The following NFASC variants were observed in gnomAD, a reference collection of about 807,000 sequenced individuals.
NFASC encodes neurofascin homolog.
A neutral mutation model predicts 147.5 loss-of-function variants in NFASC; 43 were observed. The ratio of observed to expected loss-of-function variants is 0.29; its 90% CI spans 0.23 to 0.38. The LOEUF (loss-of-function observed/expected upper bound fraction) is 0.38. Ranked by LOEUF, NFASC falls within the 10% of genes least tolerant of loss-of-function variation. The pLI, the probability that NFASC is intolerant of heterozygous loss-of-function variation, is 1.00. For synonymous variants in NFASC, 622 were observed against 665.5 expected, an observed-to-expected ratio of 0.93 and a Z score of 1.01; for missense variants, 1,320 against 1,689.0, an observed-to-expected ratio of 0.78 and a Z score of 3.83.
intron 17 of NFASC, 105 bp from the exon 18 acceptor site, chr1:204,978,863 G>C: frequency 1.2e-6 from 1 of 840,342 alleles, no homozygotes; most frequent in African/African-American, 1.7e-5. Context: ...GTTGGATCCA[G>C]CTGGTAGCGA....
chr1:204,903,602 A>G (rs551811509), intron 1 of NFASC, among the ~76,000 whole-genome samples: 1 of 152,210 alleles, frequency 6.6e-6, no homozygotes, highest in Admixed American at 6.5e-5. Context: ...TTTTCTTCCC[A>G]GGTCCTACTT....
intron 2 of NFASC, among the ~76,000 whole-genome samples, chr1:204,935,118 G>A (rs2092715781): frequency 1.3e-5 from 2 of 152,166 alleles, no homozygotes; most frequent in Admixed American, 1.3e-4. Context: ...CAGCCTTGGT[G>A]GGAAGGGATG....
At chr1:204,961,985 C>T (rs533233007) in intron 8 of NFASC, 19 of 714,098 alleles carry the variant, frequency 2.7e-5, no homozygotes, top group Non-Finnish European at 4.3e-5. Flanking sequence ...CTTTCCTTTG[C>T]AAAAGACCAC....
At chr1:204,839,134 G>T (rs569321880) in intron 1 of NFASC, among the ~76,000 whole-genome samples, 2 of 152,290 alleles carry the variant, frequency 1.3e-5, no homozygotes, top group Non-Finnish European at 2.9e-5. Context: ...TTCTCCAATA[G>T]AATCTCAATG....
intron 1 of NFASC, among the ~76,000 whole-genome samples, chr1:204,858,498 A>G (rs1334029828): frequency 3.3e-5 from 5 of 152,110 alleles, no homozygotes; most frequent in Non-Finnish European, 7.4e-5. Flanking sequence ...TCATGATGGC[A>G]ACGAAGAGGG....
intron 27 of NFASC, among the ~76,000 whole-genome samples, chr1:205,007,434 T>G (rs1161705249): frequency 4.8e-4 from 39 of 81,568 alleles, no homozygotes; most frequent in African/African-American, 7.6e-4. Flanking sequence ...GAAGGGAGAG[T>G]AGGGGAGGGG....
intron 27 of NFASC, among the ~76,000 whole-genome samples, chr1:205,006,553 C>T (rs1558453760): frequency 1.3e-5 from 2 of 152,070 alleles, no homozygotes; most frequent in Non-Finnish European, 2.9e-5. Context: ...GACTGGAGCT[C>T]CCAGAAGGCC....
chr1:204,848,376 T>G (rs1020634105), intron 1 of NFASC, among the ~76,000 whole-genome samples: 3 of 152,162 alleles, frequency 2.0e-5, no homozygotes, highest in African/African-American at 7.2e-5. Context: ...ACCACAGGCA[T>G]GTGCCACCAT....
intron 20 of NFASC, among the ~76,000 whole-genome samples, chr1:204,981,542 G>A (rs1420635922): frequency 1.3e-5 from 2 of 152,260 alleles, no homozygotes; most frequent in African/African-American, 2.4e-5. Flanking sequence ...AATGCGGGTG[G>A]CTCTCAGAGT....
intron 1 of NFASC, among the ~76,000 whole-genome samples, chr1:204,901,372 C>T (rs2084541002): frequency 6.6e-6 from 1 of 152,096 alleles, no homozygotes; most frequent in East Asian, 1.9e-4. Flanking sequence ...AGCAGAGGAA[C>T]AGCAATGAGA....
At chr1:204,872,963 G>T (rs1342547272) in intron 1 of NFASC, among the ~76,000 whole-genome samples, 1 of 152,192 alleles carries the variant, frequency 6.6e-6, no homozygotes, top group Non-Finnish European at 1.5e-5. Context: ...CACTGTCGGT[G>T]ACTGAGCCAG....
intron 11 of NFASC, among the ~76,000 whole-genome samples, chr1:204,973,021 A>G (rs534829024): frequency 1.3e-4 from 20 of 152,354 alleles, no homozygotes; most frequent in African/African-American, 4.1e-4. Context: ...CAACTGCCCA[A>G]TGGGTAGGTA....
intron 2 of NFASC, among the ~76,000 whole-genome samples, chr1:204,933,391 C>A (rs1446278226): frequency 1.3e-5 from 2 of 152,084 alleles, no homozygotes; most frequent in East Asian, 1.9e-4. Flanking sequence ...GTTGTAAGGG[C>A]AATTCCCAGG....
intron 1 of NFASC, among the ~76,000 whole-genome samples, chr1:204,876,996 GTATATATATATA>G (rs60582969): frequency 5.4e-5 from 4 of 74,682 alleles, no homozygotes; most frequent in African/African-American, 2.3e-4. Flanking sequence ...GGCTAAATAT[GTATATATATATA>G]TATATATATA....
At chr1:204,906,659 A>C (rs769304217) in intron 1 of NFASC, among the ~76,000 whole-genome samples, 2 of 151,194 alleles carry the variant, frequency 1.3e-5, no homozygotes, top group African/African-American at 4.9e-5. Flanking sequence ...AAATATTCTC[A>C]TGCAGTTTTT....
rs762547845 is a variant in NFASC at position 204,974,700 on chromosome 1, C to G, written c.1435C>G (p.His479Asp). 1.2e-6 allele frequency: 2 copies of G among 1,614,196 alleles called. No individual in the cohort carries two copies. The highest frequency in any genetic ancestry group is 2.2e-5 in the East Asian group (1 of 44,888). The change falls in exon 14 of 30, where the codon CAT becomes GAT. Residue 479 changes from histidine (H) to aspartate (D), a missense_variant. Around this residue, in one of 3 missense-constraint regions of NFASC, gnomAD observed 981 missense variants for 1,289.5 expected, o/e 0.76. Transcript: ENST00000339876. Reference protein sequence around the residue: ...QGSNLDGGNYHVYENGSLEIK... With the variant: ...QGSNLDGGNYDVYENGSLEIK... ...AAGCAACCTGGATGGTGGCAACTAC[C>G]ATGTTTATGAGAACGGCAGTCTGGA...
intron 1 of NFASC, among the ~76,000 whole-genome samples, chr1:204,867,048 G>A (rs1009553734): frequency 4.6e-5 from 7 of 152,322 alleles, no homozygotes; most frequent in African/African-American, 1.7e-4. Flanking sequence ...AAAAGCAGCA[G>A]TGTAGATGTT....
intron 1 of NFASC, among the ~76,000 whole-genome samples, chr1:204,882,344 G>A (rs1311686424): frequency 6.6e-6 from 1 of 152,008 alleles, no homozygotes; most frequent in African/African-American, 2.4e-5. Context: ...TGCTCTGCCG[G>A]GCTGTCTTTA....
chr1:204,923,292 G>A (rs796259330), intron 2 of NFASC, among the ~76,000 whole-genome samples: 38 of 152,266 alleles, frequency 2.5e-4, no homozygotes, highest in African/African-American at 8.2e-4. Context: ...ACTGCCATAT[G>A]GAGCTGCCCC....
Sources: gnomAD v4.1 joint callset for allele counts (sites outside exome capture counted in the v4.1 genomes callset) on GRCh38, gnomAD v4.1.1 for gene constraint, gnomAD v4.1.1 regional missense constraint, MANE v1.5 for transcripts, NCBI Gene and HGNC (gene_info 2026-07-23, HGNC 2026-07-21) for gene names.